Variants in CSPP1 observed in about 807,000 individuals in gnomAD.
CSPP1 encodes the protein centrosome and spindle pole-associated protein 1.
In CSPP1, 126 loss-of-function variants were observed where a neutral mutation model predicts 164.4. That is an observed-to-expected ratio of 0.77 (90% CI 0.66 to 0.89). The LOEUF (loss-of-function observed/expected upper bound fraction) is 0.89. Ranked by LOEUF, CSPP1 falls within the 40% of genes least tolerant of loss-of-function variation. CSPP1 has a pLI of 0.00. For missense variants in CSPP1, 1,395 were observed against 1,449.8 expected, an observed-to-expected ratio of 0.96 and a Z score of 0.61; for synonymous variants, 472 against 476.7, an observed-to-expected ratio of 0.99 and a Z score of 0.13.
At chr8:67,120,031 T>C (rs1818675235) in intron 15 of CSPP1, among the ~76,000 whole-genome samples, 1 of 152,186 alleles carries the variant, frequency 6.6e-6, no homozygotes, top group Non-Finnish European at 1.5e-5. Flanking sequence ...TTGAGTCATT[T>C]TGAGTTAATT....
intron 1 of CSPP1, among the ~76,000 whole-genome samples, chr8:67,070,411 C>T (rs1056365785): frequency 6.7e-6 from 1 of 148,596 alleles, no homozygotes; most frequent in African/African-American, 2.5e-5. Context: ...TGCAGTGAGC[C>T]GAGATCGCGC....
intron 3 of CSPP1, among the ~76,000 whole-genome samples, chr8:67,077,114 T>A (rs1392359144): frequency 6.6e-6 from 1 of 152,070 alleles, no homozygotes; most frequent in Non-Finnish European, 1.5e-5. Flanking sequence ...GTATACATTT[T>A]AAAAAAAGAA....
intron 7 of CSPP1, among the ~76,000 whole-genome samples, chr8:67,096,615 T>G (rs1220136775): frequency 6.7e-6 from 1 of 148,296 alleles, no homozygotes; most frequent in Non-Finnish European, 1.5e-5. Context: ...TTGTAATCCC[T>G]GCAGTTTGGG....
chr8:67,177,846 T>G (rs1586768284), intron 27 of CSPP1, 120 bp downstream of exon 27: 1 of 767,556 alleles, frequency 1.3e-6, no homozygotes, highest in African/African-American at 1.7e-5. Context: ...AGAACGTAAG[T>G]CTTATCAGTA....
intron 17 of CSPP1, among the ~76,000 whole-genome samples, chr8:67,145,520 C>CT (rs1053090081): frequency 0.014 from 1,995 of 143,574 alleles, 48 homozygotes; most frequent in African/African-American, 0.049. Context: ...TAATTTCTTT[C>CT]TTTTTTTTTT....
At chr8:67,132,633 C>T (rs765547270) in intron 16 of CSPP1, among the ~76,000 whole-genome samples, 6 of 152,074 alleles carry the variant, frequency 3.9e-5, no homozygotes, top group South Asian at 4.2e-4. Context: ...CAGATGGGGA[C>T]GTTGGGGAAG....
At chr8:67,066,811 C>T (rs1805660613) in intron 1 of CSPP1, among the ~76,000 whole-genome samples, 1 of 151,994 alleles carries the variant, frequency 6.6e-6, no homozygotes, top group African/African-American at 2.4e-5. Flanking sequence ...TTTTTTGAGA[C>T]AGAGTCTCAC....
At chr8:67,159,968 TTTC>T (rs1827858527) in intron 21 of CSPP1, among the ~76,000 whole-genome samples, 1 of 52,990 alleles carries the variant, frequency 1.9e-5, no homozygotes, top group Non-Finnish European at 3.1e-5. Flanking sequence ...TTTCTTTTCT[TTTC>T]TTTTCTTTTC....
chr8:67,157,452 C>T (rs986700492), intron 19 of CSPP1, among the ~76,000 whole-genome samples: 2 of 151,964 alleles, frequency 1.3e-5, no homozygotes, highest in East Asian at 1.9e-4. Context: ...CACACCACCA[C>T]GCCTGGCTAA....
At chr8:67,094,050 G>A (rs991854851) in intron 6 of CSPP1, among the ~76,000 whole-genome samples, 6 of 129,756 alleles carry the variant, frequency 4.6e-5, no homozygotes, top group African/African-American at 1.7e-4. Flanking sequence ...AACCTGGGAG[G>A]CAGAGGTTGC....
chr8:67,135,219 G>A (rs1822004260), intron 16 of CSPP1: 1 of 152,188 alleles, frequency 6.6e-6, no homozygotes, highest in Admixed American at 6.5e-5. Context: ...AGCCTAGGCT[G>A]GAGTACAGTG....
chr8:67,112,147 G>C (rs541400498), intron 10 of CSPP1, 82 bp downstream of exon 10: 2 of 846,332 alleles, frequency 2.4e-6, no homozygotes, highest in Non-Finnish European at 3.8e-6. Context: ...ATAAGGGGTT[G>C]TCGTTCTAAT....
chr8:67,145,551 T>A (rs1426276413), intron 17 of CSPP1, among the ~76,000 whole-genome samples: 1 of 151,468 alleles, frequency 6.6e-6, no homozygotes, highest in Non-Finnish European at 1.5e-5. Flanking sequence ...TGAGACAGAG[T>A]CTCTCTGTGT....
At chr8:67,175,479 G>A in intron 26 of CSPP1, 43 bp downstream of exon 26, 1 of 1,609,564 alleles carries the variant, frequency 6.2e-7, no homozygotes. Context: ...TCAGCACGCT[G>A]TTTTTCCGTA....
intron 15 of CSPP1, among the ~76,000 whole-genome samples, chr8:67,131,224 G>T (rs1054731514): frequency 1.3e-5 from 2 of 151,926 alleles, no homozygotes; most frequent in Non-Finnish European, 2.9e-5. Context: ...GAAAGACTTC[G>T]TCTCTAAAAA....
intron 16 of CSPP1, chr8:67,135,264 C>T (rs893150656): frequency 6.6e-6 from 1 of 152,180 alleles, no homozygotes; most frequent in Non-Finnish European, 1.5e-5. Flanking sequence ...TCCACCTCAG[C>T]CTCCCGAGTA....
intron 15 of CSPP1, among the ~76,000 whole-genome samples, chr8:67,125,336 G>A (rs548217702): frequency 2.6e-5 from 4 of 152,272 alleles, no homozygotes; most frequent in South Asian, 4.1e-4. Context: ...TCTTACTGAG[G>A]ATCCCTTGTA....
chr8:67,107,813 G>C (rs548254799), intron 9 of CSPP1, among the ~76,000 whole-genome samples: 1 of 152,090 alleles, frequency 6.6e-6, no homozygotes, highest in East Asian at 1.9e-4. Flanking sequence ...GTATTGTGGG[G>C]TTTATAAGAG....
At chr8:67,103,928 A>T (rs1359251923) in intron 8 of CSPP1, among the ~76,000 whole-genome samples, 1 of 151,926 alleles carries the variant, frequency 6.6e-6, no homozygotes, top group East Asian at 1.9e-4. Flanking sequence ...CAGTTTATCA[A>T]GTAGATAGCT....
Sources: gnomAD v4.1 joint callset for allele counts (sites outside exome capture counted in the v4.1 genomes callset) on GRCh38, gnomAD v4.1.1 for gene constraint, MANE v1.5 for transcripts, NCBI Gene and HGNC (gene_info 2026-07-23, HGNC 2026-07-21) for gene names.